Variants in SPOCK3 observed in about 807,000 individuals in gnomAD.
SPOCK3 encodes SPARC (osteonectin), cwcv and kazal like domains proteoglycan 3, also known as testican-3.
A neutral mutation model predicts 56.6 loss-of-function variants in SPOCK3; 30 were observed. That is an observed-to-expected ratio of 0.53 (90% CI 0.40 to 0.72). SPOCK3 has a LOEUF of 0.72. Ranked by LOEUF, SPOCK3 falls within the 30% of genes least tolerant of loss-of-function variation. SPOCK3 has a pLI of 0.00. For synonymous variants in SPOCK3, 196 were observed against 183.3 expected (o/e 1.07, Z -0.56); for missense variants, 527 against 530.0 (o/e 0.99, Z 0.06).
intron 2 of SPOCK3, among the ~76,000 whole-genome samples, chr4:167,074,054 T>TAA (rs35446801): frequency 0.025 from 3,530 of 139,812 alleles, 67 homozygotes; most frequent in Middle Eastern, 0.04. Context: ...ACACACTTTC[T>TAA]AAAAAAAAAA....
intron 7 of SPOCK3, among the ~76,000 whole-genome samples, chr4:166,768,680 T>C (rs1484514793): frequency 2.0e-5 from 3 of 152,218 alleles, no homozygotes; most frequent in Non-Finnish European, 4.4e-5. Flanking sequence ...GTTGCTCTTC[T>C]TGAGGAGTAT....
intron 3 of SPOCK3, among the ~76,000 whole-genome samples, chr4:167,059,319 A>G (rs1254435499): frequency 9.2e-5 from 14 of 152,058 alleles, no homozygotes; most frequent in East Asian, 3.9e-4. Context: ...AAAACAAACA[A>G]CCCCATCAAA....
Position 167,143,534 on chromosome 4 carries a change from C to T in SPOCK3, c.190-80997G>A, listed in dbSNP as rs535877314. Among the ~76,000 whole-genome samples the T allele has an allele frequency of 3.9e-5, 6 of 152,116 alleles. No individual in the cohort carries two copies. In the South Asian group the frequency reaches 8.3e-4, roughly 21 times the overall value. On this transcript the variant is annotated intron_variant, in intron 2 of 10. Coordinates refer to ENST00000357545, the MANE Select transcript of SPOCK3 (RefSeq NM_001040159.2). ...ATGCAGGCAGTAGAAAAGCCAACTA[C>T]TGTATTTTCTTGATTCAAACATACA...
intron 4 of SPOCK3, among the ~76,000 whole-genome samples, chr4:166,989,235 T>C (rs1384208451): frequency 2.0e-5 from 3 of 152,088 alleles, no homozygotes; most frequent in Non-Finnish European, 4.4e-5. Context: ...TATTAATATA[T>C]TTATGACTAA....
chr4:167,101,413 G>A (rs79695307), intron 2 of SPOCK3, among the ~76,000 whole-genome samples: 3,693 of 152,006 alleles, frequency 0.024, 66 homozygotes, highest in Non-Finnish European at 0.038. Context: ...AAAATCCTTG[G>A]TAATTTCATT....
intron 3 of SPOCK3, among the ~76,000 whole-genome samples, chr4:167,037,950 A>G (rs1210141814): frequency 6.6e-6 from 1 of 152,194 alleles, no homozygotes; most frequent in African/African-American, 2.4e-5. Flanking sequence ...ATATAACGAC[A>G]AACCAGTCAC....
chr4:166,917,533 G>A (rs944896743), intron 4 of SPOCK3, among the ~76,000 whole-genome samples: 1 of 152,068 alleles, frequency 6.6e-6, no homozygotes, highest in Non-Finnish European at 1.5e-5. Context: ...ATGACTTTCA[G>A]AGAATTATTT....
rs560409714 is a variant in SPOCK3, at chr4:166,823,817, A to G, written c.590-31528T>C. The stretch of plus-strand genomic sequence containing the variant: ...ATTTCTTGATGGCAGGCTGAGACTC[A>G]TTACCTCCAAAGCCCACTGGCACCA... On this transcript the variant is annotated intron_variant, in intron 6 of 10. Coordinates refer to ENST00000357545, the MANE Select transcript of SPOCK3 (RefSeq NM_001040159.2). Among the ~76,000 whole-genome samples the G allele has an allele frequency of 1.7e-3, 266 of 152,136 alleles. 2 individuals carry two copies. The highest frequency in any genetic ancestry group is 6.0e-3 in the African/African-American group (248 of 41,528).
chr4:166,870,805 T>G (rs1347603778), intron 6 of SPOCK3, among the ~76,000 whole-genome samples: 1 of 152,166 alleles, frequency 6.6e-6, no homozygotes, highest in Non-Finnish European at 1.5e-5. Flanking sequence ...TCTTGAATTA[T>G]AATCCCCATA....
chr4:167,195,260 G>A (rs923023306), intron 2 of SPOCK3, among the ~76,000 whole-genome samples: 5 of 152,212 alleles, frequency 3.3e-5, no homozygotes, highest in Admixed American at 2.6e-4. Flanking sequence ...TGCTTCAAGT[G>A]AGTCTCTCTT....
intron 3 of SPOCK3, among the ~76,000 whole-genome samples, chr4:167,012,588 A>T (rs550623387): frequency 9.9e-5 from 15 of 152,106 alleles, no homozygotes; most frequent in Admixed American, 8.5e-4. Context: ...AGTTATCATG[A>T]TTTAAAAGCA....
intron 2 of SPOCK3, among the ~76,000 whole-genome samples, chr4:167,156,551 C>T (rs1426102000): frequency 1.3e-5 from 2 of 151,922 alleles, no homozygotes; most frequent in East Asian, 1.9e-4. Context: ...ACTCCATGGA[C>T]AAAAACTACA....
At chr4:167,107,984 C>A (rs1579404) in intron 2 of SPOCK3, among the ~76,000 whole-genome samples, 37,176 of 151,650 alleles carry the variant, frequency 0.25, 4,614 homozygotes, top group Middle Eastern at 0.29. Context: ...TTGATCAAAA[C>A]ATGAGAAAAG....
intron 6 of SPOCK3, among the ~76,000 whole-genome samples, chr4:166,862,323 T>TA (rs1476437123): frequency 6.6e-6 from 1 of 151,060 alleles, no homozygotes; most frequent in Non-Finnish European, 1.5e-5. Context: ...GAAAAAAAAA[T>TA]AAAAAATAGG....
intron 10 of SPOCK3, among the ~76,000 whole-genome samples, chr4:166,735,724 A>G (rs1734154063): frequency 6.6e-6 from 1 of 152,018 alleles, no homozygotes; most frequent in Admixed American, 6.6e-5. Context: ...AGCTACCTCT[A>G]AGAGGTGAAA....
intron 2 of SPOCK3, among the ~76,000 whole-genome samples, chr4:167,067,536 A>G (rs1756280443): frequency 6.6e-6 from 1 of 151,814 alleles, no homozygotes; most frequent in Admixed American, 6.6e-5. Context: ...TGGGGTATAG[A>G]ATATTCTGGT....
At chr4:167,159,034 C>A (rs1261716275) in intron 2 of SPOCK3, among the ~76,000 whole-genome samples, 1 of 151,846 alleles carries the variant, frequency 6.6e-6, no homozygotes, top group African/African-American at 2.4e-5. Context: ...CAAACATATA[C>A]AATGATATAT....
intron 2 of SPOCK3, among the ~76,000 whole-genome samples, chr4:167,151,916 C>G (rs925928761): frequency 2.0e-5 from 3 of 152,274 alleles, no homozygotes; most frequent in Admixed American, 6.5e-5. Context: ...CAGCTAATGA[C>G]TTACTGCATT....
chr4:166,748,898 A>G (rs1312806016), intron 8 of SPOCK3, among the ~76,000 whole-genome samples: 3 of 137,928 alleles, frequency 2.2e-5, no homozygotes, highest in Non-Finnish European at 4.6e-5. Context: ...GCTCATCATC[A>G]CTGGCCATCA....
Sources: gnomAD v4.1 joint callset for allele counts (sites outside exome capture counted in the v4.1 genomes callset) on GRCh38, gnomAD v4.1.1 for gene constraint, MANE v1.5 for transcripts, NCBI Gene and HGNC (gene_info 2026-07-23, HGNC 2026-07-21) for gene names.